MAN1B1: variants seen among roughly 807,000 people sequenced by gnomAD.
The protein encoded by MAN1B1 is endoplasmic reticulum mannosyl-oligosaccharide 1,2-alpha-mannosidase.
In MAN1B1, 66 loss-of-function variants were observed where a neutral mutation model predicts 75.5. The ratio of observed to expected loss-of-function variants is 0.87; its 90% CI spans 0.72 to 1.07. MAN1B1 has a LOEUF of 1.07. Ranked by LOEUF, MAN1B1 falls within the 50% of genes least tolerant of loss-of-function variation. MAN1B1 has a pLI of 0.00. For missense variants in MAN1B1, 973 were observed against 912.5 expected (o/e 1.07, Z -0.85); for synonymous variants, 453 against 382.8 (o/e 1.18, Z -2.14).
At position 137,087,077 on chromosome 9, in the gene MAN1B1, G is replaced by T. The variant is rs767186412; in HGVS notation, c.78G>T (p.Gly26=). 2 of 1,601,256 alleles carry T rather than the reference G, an allele frequency of 1.2e-6. No individual in the cohort carries two copies. Among genetic ancestry groups the T allele is most frequent in the Non-Finnish European group, 1.7e-6 (2 of 1,175,800 alleles). ...ACTTCCTGACGCCGCCAGTGGGCGGGGCCCCTTGGGCCGTCGCCACCACTG... is the reference window on the plus strand; with the variant it reads ...ACTTCCTGACGCCGCCAGTGGGCGGTGCCCCTTGGGCCGTCGCCACCACTG... ...QSDFLTPPVG[G]APWAVATTVV... The change falls in exon 1 of 13, where the codon GGG becomes GGT. Residue 26 remains glycine, a synonymous_variant. Transcript: ENST00000371589.
chr9:137,096,750 A>T lies in MAN1B1; in HGVS notation c.620+359A>T, dbSNP rs555467789. Among the ~76,000 whole-genome samples the T allele has an allele frequency of 2.0e-5, 3 of 152,236 alleles. No homozygotes were observed. The South Asian group carries it at 6.2e-4, about 32-fold the overall frequency. On this transcript the variant is annotated intron_variant, in intron 4 of 12. Coordinates refer to ENST00000371589, the MANE Select transcript of MAN1B1 (RefSeq NM_016219.5). ...CTGGTCGAGCAGAGAGCAGAGGGAG[A>T]GGGAGTTGCCCGGTGCCCAGGCTCC...
intron 1 of MAN1B1, among the ~76,000 whole-genome samples, chr9:137,087,858 A>G (rs1799017857): frequency 6.6e-6 from 1 of 152,150 alleles, no homozygotes; most frequent in Non-Finnish European, 1.5e-5. Context: ...TTCAAAATAA[A>G]TAGAGCTGGC....
At position 137,101,143 on chromosome 9, in the gene MAN1B1, T is replaced by G. The variant is rs969691853; in HGVS notation, c.1055T>G (p.Leu352Arg). The G allele has an allele frequency of 6.2e-7, 1 of 1,613,942 alleles. No individual in the cohort carries two copies. The highest frequency in any genetic ancestry group is 1.3e-5 in the African/African-American group (1 of 75,042). ...CACCTGTCTGGGGACAGCCTCTTCC[T>G]GAGGAAAGCTGTAAGTGTCTTGGGG... ...AYHLSGDSLF[L>R]RKAEDFGNRL... Residue 352 changes from leucine (L) to arginine (R), a missense_variant, in exon 7 of 13, where the codon CTG becomes CGG. Physicochemically the swap from Leu to Arg is moderately radical, Grantham distance 102. Transcript: ENST00000371589.
At chr9:137,108,317 G>A (rs941585301) in intron 12 of MAN1B1, 71 bp from the exon 13 acceptor site, 19 of 1,335,288 alleles carry the variant, frequency 1.4e-5, no homozygotes, top group South Asian at 1.4e-4. Context: ...GGTGGAGAGC[G>A]CTTCGGTGAT....
chr9:137,099,761 A>C lies in MAN1B1; in HGVS notation c.796A>C (p.Lys266Gln). Residue 266 changes from lysine to glutamine, a missense_variant, in exon 6 of 13, where the codon AAG becomes CAG. Transcript: ENST00000371589. ...CCTGCATGCATGGAAAGGATACCGC[A>C]AGTTTGCATGGGGCCATGACGAGCT... ...VFLHAWKGYR[K>Q]FAWGHDELKP... 1 of 1,614,188 alleles carries C rather than the reference A, an allele frequency of 6.2e-7. No individual in the cohort carries two copies. The highest frequency in any genetic ancestry group is 8.5e-7 in the Non-Finnish European group (1 of 1,180,048).
intron 9 of MAN1B1, 142 bp downstream of exon 9, chr9:137,106,457 C>A: frequency 1.0e-6 from 1 of 1,004,060 alleles, no homozygotes; most frequent in Non-Finnish European, 1.5e-6. Context: ...CCGTGCCAGG[C>A]CTGGCCCAGG....
intron 5 of MAN1B1, among the ~76,000 whole-genome samples, chr9:137,098,589 C>T (rs750598877): frequency 1.3e-5 from 2 of 152,136 alleles, no homozygotes; most frequent in Non-Finnish European, 2.9e-5. Context: ...GCAATCTCTG[C>T]GGCATCAATG....
intron 3 of MAN1B1, among the ~76,000 whole-genome samples, 192 bp from the exon 4 acceptor site, chr9:137,096,045 C>T (rs558365862): frequency 5.3e-5 from 8 of 152,182 alleles, no homozygotes; most frequent in Admixed American, 1.3e-4. Context: ...TTTAGCCAGT[C>T]GGCAGTGTCC....
intron 10 of MAN1B1, among the ~76,000 whole-genome samples, 194 bp downstream of exon 10, chr9:137,107,003 A>C (rs1588653185): frequency 6.6e-6 from 1 of 152,208 alleles, no homozygotes; most frequent in Non-Finnish European, 1.5e-5. Flanking sequence ...TGGGGTGGGC[A>C]GGGCTTCCCC....
In MAN1B1 at chr9:137,097,913, C is replaced by T; in HGVS notation, c.706C>T (p.Pro236Ser). The T allele has an allele frequency of 1.3e-6, 2 of 1,558,982 alleles. No individual in the cohort carries two copies. Among genetic ancestry groups the T allele is most frequent in the Middle Eastern group, 3.3e-4 (2 of 5,980 alleles). The change falls in exon 5 of 13, where the codon CCG becomes TCG. Residue 236 changes from proline to serine, a missense_variant. By Grantham distance (74) the Pro-to-Ser change is moderately conservative (BLOSUM62 -1). Transcript: ENST00000371589. ...AGTGCCCACCAAGCCTCCCCTGCCA[C>T]CGGCCAGGACACAGGGCACACCAGG... ...AEVPTKPPLPPARTQGTPVHL... is the reference protein window; with the variant it reads ...AEVPTKPPLPSARTQGTPVHL...
At position 137,088,967 on chromosome 9, in the gene MAN1B1, G is replaced by T; in HGVS notation, c.427G>T (p.Asp143Tyr). 1 of 1,614,000 alleles carries T rather than the reference G, an allele frequency of 6.2e-7. No homozygotes were observed. The highest frequency in any genetic ancestry group is 8.5e-7 in the Non-Finnish European group (1 of 1,180,020). Residue 143 changes from aspartate to tyrosine, a missense_variant, in exon 3 of 13, where the codon GAC (aspartate) becomes TAC (tyrosine). Physicochemically the swap from Asp to Tyr is radical, Grantham distance 160 (BLOSUM62 -3). Coordinates refer to ENST00000371589, the MANE Select transcript of MAN1B1 (RefSeq NM_016219.5). ...CGTCTTACCAGCTCCTCAGAAGGCG[G>T]ACACCGACCCTGAGAACTTACCTGA... is the stretch of plus-strand genomic sequence containing the variant. ...PPVLPAPQKA[D>Y]TDPENLPEIS...
At chr9:137,106,845 C>G in intron 10 of MAN1B1, 36 bp downstream of exon 10, 12 of 1,609,182 alleles carry the variant, frequency 7.5e-6, no homozygotes, top group Non-Finnish European at 1.0e-5. Context: ...GCCGCCGCCC[C>G]TTTTACCTTG....
At position 137,088,165 on chromosome 9, in the gene MAN1B1, T is replaced by G. The variant is rs760660917; in HGVS notation, c.310T>G (p.Leu104Val). 1.5e-5 allele frequency: 24 copies of G among 1,614,064 alleles called. No individual in the cohort carries two copies. The African/African-American group carries it at 2.9e-4, about 20-fold the overall frequency. ...CTGTGGACTCCTCTTCTACATCAACTTGGCTGACCATTGGAAAGGTATCAG... is the reference window on the plus strand; with the variant it reads ...CTGTGGACTCCTCTTCTACATCAACGTGGCTGACCATTGGAAAGGTATCAG... ...LFCGLLFYINLADHWKALAFR... is the reference protein window; with the variant it reads ...LFCGLLFYINVADHWKALAFR... The change falls in exon 2 of 13, where the codon TTG becomes GTG. Residue 104 changes from leucine (L) to valine (V), a missense_variant. Transcript: ENST00000371589.
intron 1 of MAN1B1, chr9:137,087,715 C>T: frequency 2.4e-6 from 1 of 412,074 alleles, no homozygotes. Flanking sequence ...TCTTTCTCCA[C>T]TGTTGATGAA....
At chr9:137,089,496 C>G (rs1259499988) in intron 3 of MAN1B1, among the ~76,000 whole-genome samples, 1 of 152,188 alleles carries the variant, frequency 6.6e-6, no homozygotes, top group Non-Finnish European at 1.5e-5. Context: ...GTGAAACTGC[C>G]TGAGGCAAGG....
chr9:137,094,477 C>T (rs1830600554), intron 3 of MAN1B1: 3 of 390,280 alleles, frequency 7.7e-6, no homozygotes, highest in Non-Finnish European at 1.6e-5. Flanking sequence ...TAGTGGCTCA[C>T]ATCTGTCATC....
At chr9:137,104,212 T>C in intron 8 of MAN1B1, 1 of 381,174 alleles carries the variant, frequency 2.6e-6, no homozygotes, top group South Asian at 2.0e-5. Context: ...CTCGTGTGAG[T>C]GCAGTCACAC....
Position 137,099,403 on chromosome 9 carries a change from G to C in MAN1B1, c.731-293G>C, listed in dbSNP as rs140641331. ...ACCGAGGCCCAAGGAGGGTGTGCCT[G>C]CCCAGGCGCCAGGTGGAGGTGCATG... is the stretch of plus-strand genomic sequence containing the variant. On this transcript the variant is annotated intron_variant, in intron 5 of 12. Transcript: ENST00000371589. Among the ~76,000 whole-genome samples, 787 of 152,382 alleles carry C rather than the reference G, an allele frequency of 5.2e-3. 10 individuals carry two copies. The highest frequency in any genetic ancestry group is 0.03 in the Admixed American group (462 of 15,310).
At chr9:137,090,606 C>G (rs548943468) in intron 3 of MAN1B1, among the ~76,000 whole-genome samples, 25 of 151,728 alleles carry the variant, frequency 1.6e-4, no homozygotes, top group Non-Finnish European at 2.8e-4. Flanking sequence ...GTGGTGTGAT[C>G]TCAGCTCACT....
Sources: gnomAD v4.1 joint callset for allele counts (sites outside exome capture counted in the v4.1 genomes callset) on GRCh38, gnomAD v4.1.1 for gene constraint, MANE v1.5 for transcripts, NCBI Gene and HGNC (gene_info 2026-07-23, HGNC 2026-07-21) for gene names.